DLG2: variants seen among roughly 807,000 people sequenced by gnomAD.
DLG2 encodes disks large homolog 2.
A neutral mutation model predicts 132.5 loss-of-function variants in DLG2; 45 were observed. That is an observed-to-expected ratio of 0.34 (90% confidence interval 0.27 to 0.44). The LOEUF (loss-of-function observed/expected upper bound fraction) is 0.44. Ranked by LOEUF, DLG2 falls within the 20% of genes least tolerant of loss-of-function variation. DLG2 has a pLI of 1.00. For synonymous variants in DLG2, 424 were observed against 419.6 expected (o/e 1.01, Z -0.13); for missense variants, 1,045 against 1,196.9 (o/e 0.87, Z 1.87).
chr11:85,500,014 G>A (rs1465451195), intron 3 of DLG2, among the ~76,000 whole-genome samples: 1 of 152,154 alleles, frequency 6.6e-6, no homozygotes, highest in Non-Finnish European at 1.5e-5. Context: ...AAAGCTAGAA[G>A]CATTCCCTTT....
At chr11:84,438,265 C>A (rs890363947) in intron 7 of DLG2, among the ~76,000 whole-genome samples, 1 of 152,222 alleles carries the variant, frequency 6.6e-6, no homozygotes, top group Admixed American at 6.5e-5. Flanking sequence ...TAGAGAATGG[C>A]CTGGGACCAA....
At chr11:84,931,931 G>A (rs908374942) in intron 6 of DLG2, among the ~76,000 whole-genome samples, 3 of 152,118 alleles carry the variant, frequency 2.0e-5, no homozygotes, top group African/African-American at 7.2e-5. Flanking sequence ...AAAAGCGTCT[G>A]TTCATGTCCT....
chr11:85,086,218 C>T (rs1215728384), intron 6 of DLG2, among the ~76,000 whole-genome samples: 1 of 152,074 alleles, frequency 6.6e-6, no homozygotes, highest in Non-Finnish European at 1.5e-5. Flanking sequence ...GGAAGCCATC[C>T]ATCATAATCA....
intron 3 of DLG2, among the ~76,000 whole-genome samples, chr11:85,490,938 C>T (rs2093545958): frequency 6.6e-6 from 1 of 152,078 alleles, no homozygotes; most frequent in African/African-American, 2.4e-5. Flanking sequence ...CCGGTACCAT[C>T]CTGATACCAA....
intron 7 of DLG2, among the ~76,000 whole-genome samples, chr11:84,373,361 G>A (rs2098716669): frequency 6.6e-6 from 1 of 150,842 alleles, no homozygotes. Context: ...CCTAAGCTCA[G>A]GAGTTCGAGA....
At chr11:84,342,127 A>T (rs981950974) in intron 7 of DLG2, among the ~76,000 whole-genome samples, 4 of 151,586 alleles carry the variant, frequency 2.6e-5, no homozygotes, top group African/African-American at 9.7e-5. Flanking sequence ...TGCGTTTGTG[A>T]TGGGTCATCT....
Position 83,522,786 on chromosome 11 carries a change from G to GGATA in DLG2, c.2193+9918_2193+9921dup, listed in dbSNP as rs1266387526. Among the ~76,000 whole-genome samples, 8 of 142,066 alleles carry GGATA rather than the reference G, an allele frequency of 5.6e-5. No individual in the cohort carries two copies. The East Asian group carries it at 1.6e-3, about 29-fold the overall frequency. The allele number at this position is 142,066 out of a possible 152,430, so 93.2% of individuals were successfully genotyped here. On this transcript the variant is annotated intron_variant, in intron 21 of 27. Coordinates refer to ENST00000376104, the MANE Select transcript of DLG2 (RefSeq NM_001142699.3). ...CATGTAGTCAGAAAAGTTAAGAATA[G>GGATA]GATAGTCTAATTTTAGAGCCCCCCC... is the stretch of plus-strand genomic sequence containing the variant.
At chr11:83,532,661 T>A in intron 21 of DLG2, 47 bp downstream of exon 21, 1 of 1,552,654 alleles carries the variant, frequency 6.4e-7, no homozygotes, top group Non-Finnish European at 8.9e-7. Context: ...TATAGTTAAA[T>A]CCATGGCAAC....
At chr11:83,704,601 G>C (rs1014243171) in intron 18 of DLG2, among the ~76,000 whole-genome samples, 1 of 149,818 alleles carries the variant, frequency 6.7e-6, no homozygotes, top group Admixed American at 6.7e-5. Flanking sequence ...TGGATCACCT[G>C]AGGTCAGGAG....
chr11:84,762,605 T>G lies in DLG2; in HGVS notation c.358-227874A>C, dbSNP rs182576138. Among the ~76,000 whole-genome samples the G allele has an allele frequency of 4.6e-5, 7 of 152,308 alleles. No individual in the cohort carries two copies. The East Asian group carries it at 1.2e-3, about 25-fold the overall frequency. ...ATAGAGAGGCAAGGATTTCCCTTTT[T>G]CTCTCTTCTACTTCTTTTCCACTAC... On this transcript the variant is annotated intron_variant, in intron 6 of 27. Transcript: ENST00000376104.
chr11:84,651,027 C>T (rs143295095), intron 6 of DLG2, among the ~76,000 whole-genome samples: 7 of 151,720 alleles, frequency 4.6e-5, no homozygotes, highest in African/African-American at 1.7e-4. Context: ...TCCAGAGATG[C>T]TGTACCTTTT....
chr11:83,494,564 T>C (rs1252586002), intron 21 of DLG2, among the ~76,000 whole-genome samples: 1 of 151,764 alleles, frequency 6.6e-6, no homozygotes, highest in Non-Finnish European at 1.5e-5. Flanking sequence ...TTTTTTTTTT[T>C]TTTTACACAA....
intron 10 of DLG2, among the ~76,000 whole-genome samples, chr11:84,090,784 A>G (rs2097079172): frequency 6.6e-6 from 1 of 152,254 alleles, no homozygotes; most frequent in Non-Finnish European, 1.5e-5. Flanking sequence ...TACTAAGGAA[A>G]TAATGAGGTA....
intron 22 of DLG2, among the ~76,000 whole-genome samples, chr11:83,477,986 T>G (rs1457682421): frequency 6.6e-6 from 1 of 152,078 alleles, no homozygotes; most frequent in Admixed American, 6.6e-5. Context: ...TCTCTGAAAC[T>G]ACCTCTTATG....
intron 4 of DLG2, among the ~76,000 whole-genome samples, chr11:85,179,758 C>A (rs1371166696): frequency 6.6e-6 from 1 of 151,780 alleles, no homozygotes; most frequent in Non-Finnish European, 1.5e-5. Flanking sequence ...TACAAATGAA[C>A]TAAACCTATC....
chr11:84,317,150 C>T (rs1567273203), intron 7 of DLG2: 13 of 1,604,854 alleles, frequency 8.1e-6, no homozygotes, highest in Non-Finnish European at 1.1e-5. Context: ...ATTCATACTG[C>T]ACTGATGCCT....
chr11:83,793,170 A>T (rs2042007709), intron 17 of DLG2, among the ~76,000 whole-genome samples: 1 of 152,058 alleles, frequency 6.6e-6, no homozygotes, highest in Admixed American at 6.5e-5. Context: ...GAAGAATGTT[A>T]TTGTTCCTTC....
chr11:84,619,544 A>T (rs2099610287), intron 6 of DLG2, among the ~76,000 whole-genome samples: 1 of 151,706 alleles, frequency 6.6e-6, no homozygotes, highest in Admixed American at 6.6e-5. Flanking sequence ...AGAAAAAAAG[A>T]GAAAATGACA....
At chr11:83,467,277 C>G (rs1176744813) in intron 25 of DLG2, among the ~76,000 whole-genome samples, 1 of 152,086 alleles carries the variant, frequency 6.6e-6, no homozygotes, top group Non-Finnish European at 1.5e-5. Context: ...GCATGCAAAC[C>G]CAAGTCTGGA....
Sources: gnomAD v4.1 joint callset for allele counts (sites outside exome capture counted in the v4.1 genomes callset) on GRCh38, gnomAD v4.1.1 for gene constraint, MANE v1.5 for transcripts, NCBI Gene and HGNC (gene_info 2026-07-23, HGNC 2026-07-21) for gene names.